The following RNPC3 variants were observed in gnomAD, a reference collection of about 807,000 sequenced individuals.
RNPC3 encodes RNA-binding region-containing protein 3.
A neutral mutation model predicts 67.5 loss-of-function variants in RNPC3; 48 were observed. The ratio of observed to expected loss-of-function variants is 0.71; its 90% CI spans 0.56 to 0.90. RNPC3 has a LOEUF of 0.90. RNPC3 is among the 40% of genes least tolerant of loss of function. The pLI, the probability that RNPC3 is intolerant of heterozygous loss-of-function variation, is 0.00. For synonymous variants in RNPC3, 239 were observed against 210.3 expected, an observed-to-expected ratio of 1.14 and a Z score of -1.18; for missense variants, 637 against 626.1, an observed-to-expected ratio of 1.02 and a Z score of -0.19.
chr1:103,542,941 G>A (rs535957036), intron 8 of RNPC3, among the ~76,000 whole-genome samples: 2 of 151,704 alleles, frequency 1.3e-5, no homozygotes, highest in African/African-American at 2.4e-5. Flanking sequence ...ATATAGATAT[G>A]TTTAAAATAT....
chr1:103,533,902 T>C lies in RNPC3; in HGVS notation c.359+45T>C, dbSNP rs1164814449. 4 of 1,034,118 alleles carry C rather than the reference T, an allele frequency of 3.9e-6. No homozygotes were observed. In the East Asian group the frequency reaches 1.0e-4, roughly 27 times the overall value. The allele number at this position is 1,034,118 out of a possible 1,614,324, so 64.1% of individuals were successfully genotyped here. A position where few individuals can be genotyped will look rare whatever the true frequency, so the allele number is the denominator to read the frequency against. On this transcript the variant is annotated intron_variant, in intron 3 of 14. Transcript: ENST00000423855. ...ATACATTTTTGTTACATTTTTAAAG[T>C]GTGTGTTTTTTTAAATCAGTTATAC... is the stretch of plus-strand genomic sequence containing the variant.
At chr1:103,528,079 G>A (rs1171381556) in intron 2 of RNPC3, among the ~76,000 whole-genome samples, 1 of 152,232 alleles carries the variant, frequency 6.6e-6, no homozygotes, top group Non-Finnish European at 1.5e-5. Flanking sequence ...CACAGGAGGT[G>A]ATCTTTTAGC....
At chr1:103,554,301 C>T (rs1479417002) in intron 14 of RNPC3, 1 of 152,220 alleles carries the variant, frequency 6.6e-6, no homozygotes, top group Non-Finnish European at 1.5e-5. Context: ...TTGCAGTGAA[C>T]CATGATCACA....
intron 1 of RNPC3, among the ~76,000 whole-genome samples, chr1:103,527,363 T>A (rs924138062): frequency 5.9e-5 from 9 of 152,244 alleles, no homozygotes; most frequent in Non-Finnish European, 1.3e-4. Flanking sequence ...AATCTTTAGA[T>A]CTGTCATAAA....
chr1:103,534,921 C>A, intron 4 of RNPC3, 64 bp downstream of exon 4: 1 of 929,084 alleles, frequency 1.1e-6, no homozygotes, highest in South Asian at 1.6e-5. Flanking sequence ...GTACAGATAT[C>A]TTACTGCTTT....
At position 103,527,758 on chromosome 1, in the gene RNPC3, GA is replaced by G. The variant is rs769152005; in HGVS notation, c.240+17del. ...AGCTATAAAGGTATGACTTTTTCTT[GA>G]CGATTAAAGTTGTCAACAGGATCCT... On this transcript the variant is annotated intron_variant, in intron 2 of 14. Transcript: ENST00000423855. The G allele has an allele frequency of 3.3e-6, 5 of 1,526,106 alleles. No homozygotes were observed. In the South Asian group the frequency reaches 6.0e-5, roughly 18 times the overall value. The allele number at this position is 1,526,106 out of a possible 1,614,324, so 94.5% of individuals were successfully genotyped here. A position where few individuals can be genotyped will look rare whatever the true frequency, so the allele number is the denominator to read the frequency against.
chr1:103,526,385 C>G, intron 1 of RNPC3, 123 bp downstream of exon 1: 1 of 699,690 alleles, frequency 1.4e-6, no homozygotes, highest in South Asian at 2.2e-5. Flanking sequence ...TGAGAGCTCC[C>G]CCATCCTACC....
At chr1:103,535,698 T>G (rs948466546) in intron 5 of RNPC3, among the ~76,000 whole-genome samples, 3 of 152,062 alleles carry the variant, frequency 2.0e-5, no homozygotes, top group Admixed American at 1.3e-4. Context: ...ATCATTAACA[T>G]AGAGATTCTT....
At chr1:103,546,901 C>A in intron 11 of RNPC3, 76 bp from the exon 12 acceptor site, 1 of 722,494 alleles carries the variant, frequency 1.4e-6, no homozygotes, top group Non-Finnish European at 2.3e-6. Flanking sequence ...TCTACTGATG[C>A]ATTGATGTAT....
intron 14 of RNPC3, chr1:103,553,549 G>A (rs999509494): frequency 6.6e-6 from 1 of 152,100 alleles, no homozygotes; most frequent in African/African-American, 2.4e-5. Flanking sequence ...GGGAAAGTTA[G>A]TGAATCAGGT....
At chr1:103,551,164 A>G in intron 13 of RNPC3, 91 bp downstream of exon 13, 4 of 1,111,528 alleles carry the variant, frequency 3.6e-6, no homozygotes, top group South Asian at 3.3e-5. Context: ...AGAAATTTCC[A>G]CAATTGGCAT....
chr1:103,531,910 A>G (rs911081546), intron 2 of RNPC3, among the ~76,000 whole-genome samples: 15 of 152,234 alleles, frequency 9.9e-5, no homozygotes, highest in African/African-American at 2.6e-4. Context: ...GCCTAAGCCA[A>G]TGTCTAGAAG....
intron 14 of RNPC3, chr1:103,554,229 C>T (rs1180335693): frequency 1.3e-5 from 2 of 152,262 alleles, no homozygotes; most frequent in Non-Finnish European, 2.9e-5. Flanking sequence ...TGGCTTGCAC[C>T]TCTGGTCTCA....
chr1:103,537,343 A>G lies in RNPC3; in HGVS notation c.626A>G (p.Tyr209Cys), dbSNP rs760337894. 28 of 1,530,286 alleles carry G rather than the reference A, an allele frequency of 1.8e-5. No homozygotes were observed. The highest frequency in any genetic ancestry group is 1.6e-4 in the South Asian group (13 of 83,058). The allele number at this position is 1,530,286 out of a possible 1,614,324, so 94.8% of individuals were successfully genotyped here. ...TTTTTGTTTTATTCTTTTAATTAGTATGAAGACTATATGCCATTGCATGCA... is the reference window on the plus strand; with the variant it reads ...TTTTTGTTTTATTCTTTTAATTAGTGTGAAGACTATATGCCATTGCATGCA... ...FGPITARPPM[Y>C]EDYMPLHAPL... The change falls in exon 7 of 15, where the codon TAT becomes TGT. Residue 209 changes from tyrosine to cysteine, a missense_variant and splice_region_variant. By Grantham distance (194) the Tyr-to-Cys change is radical. Around this residue, in one of 3 missense-constraint regions of RNPC3, gnomAD observed 536 missense variants for 500.3 expected, o/e 1.07. Transcript: ENST00000423855.
At position 103,535,338 on chromosome 1, in the gene RNPC3, T is replaced by A; in HGVS notation, c.452T>A (p.Phe151Tyr). Residue 151 changes from phenylalanine to tyrosine, a missense_variant, in exon 5 of 15, where the codon TTT (phenylalanine) becomes TAT (tyrosine). Physicochemically the swap from Phe to Tyr is conservative, Grantham distance 22. Around this residue, in one of 3 missense-constraint regions of RNPC3, gnomAD observed 536 missense variants for 500.3 expected, o/e 1.07. Transcript: ENST00000423855. ...NGIAPNHGLTFPLNSCLKYMY... is the reference protein window; with the variant it reads ...NGIAPNHGLTYPLNSCLKYMY... ...TGTTTTTTGTTTTATAGGCTGACTT[T>A]TCCTTTAAATTCATGCCTCAAGTAT... 1 of 1,532,728 alleles carries A rather than the reference T, an allele frequency of 6.5e-7. No individual in the cohort carries two copies. Among genetic ancestry groups the A allele is most frequent in the Non-Finnish European group, 8.7e-7 (1 of 1,144,020 alleles). 94.9% of individuals were successfully genotyped at this position (1,532,728 alleles called of 1,614,324 possible).
At chr1:103,541,534 A>C (rs1005961014) in intron 8 of RNPC3, 59 bp downstream of exon 8, 11 of 1,385,786 alleles carry the variant, frequency 7.9e-6, no homozygotes, top group Non-Finnish European at 9.5e-6. Flanking sequence ...TTACTTGCTT[A>C]ATTCACATCA....
intron 10 of RNPC3, 57 bp from the exon 11 acceptor site, chr1:103,546,191 T>C (rs1218509513): frequency 1.2e-6 from 1 of 845,348 alleles, no homozygotes; most frequent in East Asian, 3.1e-5. Context: ...TAATTATCTT[T>C]AAAAACTTGC....
chr1:103,554,505 T>C (rs1651484951), intron 14 of RNPC3: 1 of 152,600 alleles, frequency 6.6e-6, no homozygotes, highest in South Asian at 2.1e-4. Context: ...AAGGAAGAGT[T>C]TTTATGCATA....
At position 103,543,397 on chromosome 1, in the gene RNPC3, C is replaced by T; in HGVS notation, c.995C>T (p.Ala332Val). 7.9e-6 allele frequency: 12 copies of T among 1,517,706 alleles called. No homozygotes were observed. Among genetic ancestry groups the T allele is most frequent in the Non-Finnish European group, 7.9e-6 (9 of 1,138,540 alleles). 94.0% of individuals were successfully genotyped at this position (1,517,706 alleles called of 1,614,324 possible). The change falls in exon 9 of 15, where the codon GCA (alanine) becomes GTA (valine). Residue 332 changes from alanine to valine, a missense_variant. Ala to Val is a moderately conservative substitution (Grantham distance 64). Coordinates refer to ENST00000423855, the MANE Select transcript of RNPC3 (RefSeq NM_017619.4). The part of the protein sequence containing the change: ...EFHISTDMPA[A>V]FKKDLEKEQN... Reference sequence around the variant, plus strand: ...CATATATCTACCGACATGCCAGCTGCATTTAAGAAAGATTTAGAAAAGGAA... The same window carrying T: ...CATATATCTACCGACATGCCAGCTGTATTTAAGAAAGATTTAGAAAAGGAA...
Sources: gnomAD v4.1 joint callset for allele counts (sites outside exome capture counted in the v4.1 genomes callset) on GRCh38, gnomAD v4.1.1 for gene constraint, gnomAD v4.1.1 regional missense constraint, MANE v1.5 for transcripts, NCBI Gene and HGNC (gene_info 2026-07-23, HGNC 2026-07-21) for gene names.